The following HLTF variants were observed in gnomAD, a reference collection of about 807,000 sequenced individuals.
HLTF encodes DNA-dependent ATPase/E3 ubiquitin-protein ligase HLTF.
Under a neutral mutation model 129.4 loss-of-function variants are expected in HLTF, and 127 were observed. The observed-to-expected ratio is 0.98, with a 90% CI of 0.85 to 1.14. The LOEUF (loss-of-function observed/expected upper bound fraction) is 1.14, where lower values mean the gene tolerates loss of function less well. Ranked by LOEUF, HLTF falls within the 50% of genes most tolerant of loss-of-function variation. HLTF has a pLI of 0.00. For synonymous variants in HLTF, 332 were observed against 388.8 expected (o/e 0.85, Z 1.72); for missense variants, 1,139 against 1,187.1 (o/e 0.96, Z 0.60).
In HLTF at chr3:149,034,998, C is replaced by A; in HGVS notation, c.2797G>T (p.Ala933Ser). 1.9e-6 allele frequency: 3 copies of A among 1,611,440 alleles called. No individual in the cohort carries two copies. The highest frequency in any genetic ancestry group is 2.5e-6 in the Non-Finnish European group (3 of 1,177,608). ...TGATCTTCAGCAGCAGGATTCCAGG[C>A]CTAACAAGAACATGGATGAGTTACT... ...AASRVFLMDP[A>S]WNPAAEDQCF... The change falls in exon 24 of 25, where the codon GCC (alanine) becomes TCC (serine). Residue 933 changes from alanine to serine, a missense_variant and splice_region_variant. Transcript: ENST00000310053.
intron 1 of HLTF, 22 bp from the exon 2 acceptor site, chr3:149,084,911 G>GA (rs2108081996): frequency 1.3e-6 from 2 of 1,523,056 alleles, no homozygotes; most frequent in East Asian, 4.5e-5. Context: ...TAAAGGCAAA[G>GA]AAAAACAATA....
rs373736550 is a variant in HLTF at position 149,055,426 on chromosome 3, C to A, written c.1376-26G>T. Reference sequence around the variant, plus strand: ...CTAAAAAAATGAACCACTGATAGAACCTTTAGCTGTTTTTCTGAAATATAT... The same window carrying A: ...CTAAAAAAATGAACCACTGATAGAAACTTTAGCTGTTTTTCTGAAATATAT... On this transcript the variant is annotated intron_variant, in intron 13 of 24. Transcript: ENST00000310053. 3.9e-5 allele frequency: 58 copies of A among 1,484,296 alleles called. 1 individual carries two copies. In the African/African-American group the frequency reaches 7.1e-4, roughly 18 times the overall value. 91.9% of individuals were successfully genotyped at this position (1,484,296 alleles called of 1,614,324 possible).
rs1369098670 is a variant in HLTF, at chr3:149,046,092, G to T, written c.2060C>A (p.Ala687Asp). The change falls in exon 18 of 25, where the codon GCC becomes GAC. Residue 687 changes from alanine to aspartate, a missense_variant. Ala to Asp is a moderately radical substitution (Grantham distance 126). Transcript: ENST00000310053. ...IYQSVKNEGR[A>D]TIGRYFNEGT... ...TCTTTCTCCATACCTTCCAATAGTG[G>T]CTCTGCCTTCATTTTTCACAGACTG... 1 of 1,606,404 alleles carries T rather than the reference G, an allele frequency of 6.2e-7. No individual in the cohort carries two copies. The highest frequency in any genetic ancestry group is 2.2e-5 in the East Asian group (1 of 44,506).
At chr3:149,037,467 C>CAAAAAAAA (rs71135657) in intron 23 of HLTF, among the ~76,000 whole-genome samples, 2 of 99,576 alleles carry the variant, frequency 2.0e-5, no homozygotes, top group African/African-American at 3.5e-5. Flanking sequence ...GACTCTGTCT[C>CAAAAAAAA]AAAAAAAAAA....
intron 14 of HLTF, among the ~76,000 whole-genome samples, chr3:149,053,280 G>C (rs1717152500): frequency 6.6e-6 from 1 of 152,182 alleles, no homozygotes; most frequent in Admixed American, 6.5e-5. Flanking sequence ...GGAGGTGGAA[G>C]GTGTATGGCT....
chr3:149,037,698 A>C (rs1234720838), intron 23 of HLTF, among the ~76,000 whole-genome samples: 1 of 152,196 alleles, frequency 6.6e-6, no homozygotes, highest in Non-Finnish European at 1.5e-5. Flanking sequence ...ATCTCAGTAG[A>C]ATTCCTACAT....
chr3:149,049,883 T>C (rs927236913), intron 15 of HLTF, among the ~76,000 whole-genome samples: 4 of 151,924 alleles, frequency 2.6e-5, no homozygotes. Flanking sequence ...TCCCAGCTAC[T>C]TGGGAGGCTG....
rs755285970 is a variant in HLTF, at chr3:149,060,707, A to C, written c.1241-20T>G. ...GTTTGCCTAAAAATAAAACAAAAAT[A>C]AACATAAAAATGGGCAAAACAGGAC... On this transcript the variant is annotated intron_variant, in intron 11 of 24. Coordinates refer to ENST00000310053, the MANE Select transcript of HLTF (RefSeq NM_003071.4). 1.2e-6 allele frequency: 2 copies of C among 1,612,412 alleles called. No individual in the cohort carries two copies. Among genetic ancestry groups the C allele is most frequent in the Admixed American group, 1.7e-5 (1 of 59,950 alleles).
At chr3:149,053,676 G>A (rs1160661735) in intron 14 of HLTF, among the ~76,000 whole-genome samples, 1 of 152,078 alleles carries the variant, frequency 6.6e-6, no homozygotes, top group Non-Finnish European at 1.5e-5. Flanking sequence ...TAAATTCACA[G>A]AGTGTGCATG....
chr3:149,084,731 A>G lies in HLTF; in HGVS notation c.179T>C (p.Phe60Ser), dbSNP rs1271153779. 6.2e-7 allele frequency: 1 copy of G among 1,614,102 alleles called. No homozygotes were observed. Among genetic ancestry groups the G allele is most frequent in the East Asian group, 2.2e-5 (1 of 44,870 alleles). ...AACCACATGACCTCTCAAACTTCCA[A>G]ATAAAACGGAATCTACTTCTTCATC... The part of the protein sequence containing the change: ...TSDEEVDSVL[F>S]GSLRGHVVGL... Residue 60 changes from phenylalanine (F) to serine (S), a missense_variant, in exon 2 of 25, where the codon TTT (phenylalanine) becomes TCT (serine). Transcript: ENST00000310053.
chr3:149,039,151 T>C lies in HLTF; in HGVS notation c.2694A>G (p.Gln898=). The change falls in exon 23 of 25, where the codon CAA becomes CAG. Residue 898 remains glutamine (Q), a synonymous_variant. Coordinates refer to ENST00000310053, the MANE Select transcript of HLTF (RefSeq NM_003071.4). ...TAGTTGGAGATCCTGCTTCAGTGTT[T>C]TGAAAACACTGAATTGATTCAACTC... ...KKRVESIQCF[Q]NTEAGSPTIM... is the part of the protein sequence containing the mutation. 2 of 1,612,618 alleles carry C rather than the reference T, an allele frequency of 1.2e-6. No homozygotes were observed. Among genetic ancestry groups the C allele is most frequent in the Non-Finnish European group, 1.7e-6 (2 of 1,179,426 alleles).
intron 2 of HLTF, among the ~76,000 whole-genome samples, chr3:149,084,358 C>G (rs1173601486): frequency 6.7e-6 from 1 of 150,018 alleles, no homozygotes; most frequent in Non-Finnish European, 1.5e-5. Flanking sequence ...AGAATAAAAT[C>G]CAGAAGATTC....
rs573126471 is a variant in HLTF, at chr3:149,076,762, G to A, written c.229-715C>T. On this transcript the variant is annotated intron_variant, in intron 2 of 24. Transcript: ENST00000310053. ...GAGGGTAACACAATAAAGAATGGTA[G>A]AATGAGGACTTTCAAAAATTCCTCA... Among the ~76,000 whole-genome samples, 5 of 152,236 alleles carry A rather than the reference G, an allele frequency of 3.3e-5. No homozygotes were observed. In the East Asian group the frequency reaches 9.6e-4, roughly 29 times the overall value.
intron 1 of HLTF, among the ~76,000 whole-genome samples, chr3:149,085,688 T>C (rs986345888): frequency 3.9e-5 from 6 of 152,142 alleles, no homozygotes; most frequent in South Asian, 2.1e-4. Flanking sequence ...CCGTGGGAAA[T>C]TGGCCCCAAG....
chr3:149,054,717 G>A (rs1274343484), intron 14 of HLTF, among the ~76,000 whole-genome samples: 1 of 152,158 alleles, frequency 6.6e-6, no homozygotes, highest in Non-Finnish European at 1.5e-5. Context: ...GATGGGTAGT[G>A]TTAAAAGGAC....
intron 18 of HLTF, among the ~76,000 whole-genome samples, chr3:149,043,896 A>G (rs1716328914): frequency 6.6e-6 from 1 of 152,186 alleles, no homozygotes; most frequent in Non-Finnish European, 1.5e-5. Flanking sequence ...TAATACATGT[A>G]AAGTATTTAA....
At chr3:149,033,930 G>A (rs574981802) in intron 24 of HLTF, among the ~76,000 whole-genome samples, 12 of 152,176 alleles carry the variant, frequency 7.9e-5, no homozygotes, top group Admixed American at 4.6e-4. Flanking sequence ...TAAAGACAAG[G>A]AAGAGTATGG....
chr3:149,047,963 C>A, intron 17 of HLTF, 65 bp downstream of exon 17: 2 of 1,327,708 alleles, frequency 1.5e-6, no homozygotes, highest in East Asian at 2.5e-5. Flanking sequence ...AAAGAAAGTG[C>A]CAACTGGTTC....
chr3:149,058,287 CT>C lies in HLTF; in HGVS notation c.1375+1430del, dbSNP rs539471075. Among the ~76,000 whole-genome samples, 20 of 152,136 alleles carry C rather than the reference CT, an allele frequency of 1.3e-4. No homozygotes were observed. In the East Asian group the frequency reaches 2.1e-3, roughly 16 times the overall value. On this transcript the variant is annotated intron_variant, in intron 13 of 24. Transcript: ENST00000310053. ...CAGGATTTTGCCATGTTGCCCACCC[CT>C]GATCTTGAACTCATGGGCCTCGGCC...
Sources: allele counts gnomAD v4.1 joint callset (sites outside exome capture counted in the v4.1 genomes callset), GRCh38; gene constraint gnomAD v4.1.1; transcripts MANE v1.5; gene names NCBI Gene and HGNC (gene_info 2026-07-23, HGNC 2026-07-21).